Variants in SKAP1 observed in about 807,000 individuals in gnomAD.
The protein encoded by SKAP1 is src kinase-associated phosphoprotein 1.
A neutral mutation model predicts 58.5 loss-of-function variants in SKAP1; 44 were observed. The observed-to-expected ratio is 0.75, with a 90% CI of 0.59 to 0.97. The LOEUF (loss-of-function observed/expected upper bound fraction) is 0.97, where lower values mean the gene tolerates loss of function less well. Among genes scored for constraint, SKAP1 ranks in the 50% least tolerant of loss-of-function variants. The probability of loss-of-function intolerance (pLI) is 0.00; values close to 1 mark genes in which losing one functional copy is unlikely to be tolerated. For missense variants in SKAP1, 390 were observed against 435.2 expected, an observed-to-expected ratio of 0.90 and a Z score of 0.92; for synonymous variants, 127 against 149.7, an observed-to-expected ratio of 0.85 and a Z score of 1.11.
intron 4 of SKAP1, among the ~76,000 whole-genome samples, chr17:48,236,037 T>C (rs1246101635): frequency 6.6e-6 from 1 of 152,204 alleles, no homozygotes; most frequent in African/African-American, 2.4e-5. Context: ...TCTGAAAAGA[T>C]GTTGGGCCTT....
intron 10 of SKAP1, among the ~76,000 whole-genome samples, chr17:48,162,894 C>T (rs188694591): frequency 6.6e-6 from 1 of 152,232 alleles, no homozygotes; most frequent in Non-Finnish European, 1.5e-5. Flanking sequence ...AGAGGTTTCC[C>T]GCCAGACTTT....
At chr17:48,222,085 G>C (rs2065012679) in intron 4 of SKAP1, among the ~76,000 whole-genome samples, 2 of 152,074 alleles carry the variant, frequency 1.3e-5, no homozygotes, top group South Asian at 4.2e-4. Context: ...ATGTCTAAGG[G>C]GTAACTTGGA....
chr17:48,252,713 A>AGTGTGTGTGTGTGTGTGTGT (rs71141977), intron 4 of SKAP1, among the ~76,000 whole-genome samples: 8 of 145,026 alleles, frequency 5.5e-5, no homozygotes, highest in African/African-American at 1.3e-4. Context: ...GCTCTAAGCT[A>AGTGTGTGTGTGTGTGTGTGT]GTGTGTGTGT....
intron 11 of SKAP1, among the ~76,000 whole-genome samples, chr17:48,155,007 C>T (rs376164791): frequency 4.0e-5 from 6 of 150,616 alleles, no homozygotes; most frequent in East Asian, 4.0e-4. Flanking sequence ...TTGCAGTGAG[C>T]CAAGATTGTG....
At chr17:48,426,889 G>T (rs1426068275) in intron 1 of SKAP1, among the ~76,000 whole-genome samples, 1 of 151,584 alleles carries the variant, frequency 6.6e-6, no homozygotes, top group African/African-American at 2.4e-5. Flanking sequence ...TACCCCTCAG[G>T]GCTAAAAAGA....
intron 4 of SKAP1, among the ~76,000 whole-genome samples, chr17:48,278,742 C>T (rs538839041): frequency 6.6e-6 from 1 of 152,036 alleles, no homozygotes; most frequent in African/African-American, 2.4e-5. Flanking sequence ...GTAAGAGAGA[C>T]AGGAAGTCAA....
At chr17:48,378,320 G>A (rs1035323796) in intron 2 of SKAP1, among the ~76,000 whole-genome samples, 1 of 152,198 alleles carries the variant, frequency 6.6e-6, no homozygotes, top group African/African-American at 2.4e-5. Context: ...TCTTCTAGCT[G>A]AGACTTTTGC....
chr17:48,396,850 G>T, intron 1 of SKAP1, 65 bp from the exon 2 acceptor site: 1 of 1,237,644 alleles, frequency 8.1e-7, no homozygotes, highest in Non-Finnish European at 1.2e-6. Context: ...AAATCAGAAG[G>T]ATTAAGAAAT....
At chr17:48,321,354 AT>A (rs1203015880) in intron 4 of SKAP1, among the ~76,000 whole-genome samples, 1 of 33,564 alleles carries the variant, frequency 3.0e-5, no homozygotes, top group Non-Finnish European at 9.3e-5. Context: ...TCTCATTATT[AT>A]TATTATTATT....
intron 1 of SKAP1, among the ~76,000 whole-genome samples, chr17:48,401,338 G>A (rs1256903033): frequency 6.6e-6 from 1 of 151,536 alleles, no homozygotes; most frequent in African/African-American, 2.4e-5. Context: ...GAAAAAGAAA[G>A]ACAAATTTGG....
intron 4 of SKAP1, among the ~76,000 whole-genome samples, chr17:48,325,501 C>T (rs1405983444): frequency 6.6e-6 from 1 of 152,102 alleles, no homozygotes; most frequent in African/African-American, 2.4e-5. Flanking sequence ...CTGCTGTAGT[C>T]CCAGTGCCTG....
At chr17:48,356,434 C>T (rs565180030) in intron 3 of SKAP1, among the ~76,000 whole-genome samples, 227 of 152,174 alleles carry the variant, frequency 1.5e-3, no homozygotes, top group Middle Eastern at 3.4e-3. Flanking sequence ...AGAGCAAAAC[C>T]TTCAAATGTT....
At chr17:48,411,261 G>T (rs998459037) in intron 1 of SKAP1, among the ~76,000 whole-genome samples, 2 of 152,032 alleles carry the variant, frequency 1.3e-5, no homozygotes, top group South Asian at 2.1e-4. Flanking sequence ...TTCACTGGGT[G>T]TGCTGGTGCC....
chr17:48,279,332 C>G (rs1327430361), intron 4 of SKAP1, among the ~76,000 whole-genome samples: 2 of 152,138 alleles, frequency 1.3e-5, no homozygotes, highest in Non-Finnish European at 2.9e-5. Context: ...CAGGTAATTA[C>G]AGAGTTAATA....
chr17:48,395,162 A>AT (rs1261931530), intron 2 of SKAP1, among the ~76,000 whole-genome samples: 2 of 152,178 alleles, frequency 1.3e-5, no homozygotes, highest in Non-Finnish European at 2.9e-5. Flanking sequence ...ATGTGTGTGC[A>AT]TGTGTGTATG....
chr17:48,261,174 A>G (rs1181239624), intron 4 of SKAP1, among the ~76,000 whole-genome samples: 1 of 152,192 alleles, frequency 6.6e-6, no homozygotes, highest in African/African-American at 2.4e-5. Context: ...AAAATTTCTG[A>G]TGCCATGCTC....
chr17:48,269,251 A>G (rs1808340772), intron 4 of SKAP1, among the ~76,000 whole-genome samples: 1 of 152,190 alleles, frequency 6.6e-6, no homozygotes, highest in South Asian at 2.1e-4. Flanking sequence ...CTAGAGAAGA[A>G]AGGACATTTT....
At chr17:48,444,307 C>T in the SKAP1 span, among the ~76,000 whole-genome samples, 1 of 152,154 alleles carries the variant, frequency 6.6e-6, no homozygotes, top group African/African-American at 2.4e-5. Context: ...AGGAGAATCG[C>T]TTGAACCAGG....
At chr17:48,432,168 C>T (rs376225381), upstream of SKAP1, among the ~76,000 whole-genome samples, 10 of 152,294 alleles carry the variant, frequency 6.6e-5, no homozygotes, top group East Asian at 1.9e-4. Flanking sequence ...CAGTGGCTCA[C>T]GCCTATAATC....
Sources: gnomAD v4.1 joint callset for allele counts (sites outside exome capture counted in the v4.1 genomes callset) on GRCh38, gnomAD v4.1.1 for gene constraint, MANE v1.5 for transcripts, NCBI Gene and HGNC (gene_info 2026-07-23, HGNC 2026-07-21) for gene names.